Variants in SIPA1L1 observed in about 807,000 individuals in gnomAD.
SIPA1L1 encodes signal induced proliferation associated 1 like 1.
In SIPA1L1, 26 loss-of-function variants were observed where a neutral mutation model predicts 162.7. That is an observed-to-expected ratio of 0.16 (90% CI 0.12 to 0.22). The LOEUF is 0.22. Among genes scored for constraint, SIPA1L1 ranks in the 10% least tolerant of loss-of-function variants. SIPA1L1 has a pLI of 1.00. For missense variants in SIPA1L1, 1,874 were observed against 2,241.0 expected, an observed-to-expected ratio of 0.84 and a Z score of 3.31; for synonymous variants, 829 against 837.4, an observed-to-expected ratio of 0.99 and a Z score of 0.17.
At chr14:71,544,764 A>G (rs992852013) in intron 4 of SIPA1L1, among the ~76,000 whole-genome samples, 2 of 152,282 alleles carry the variant, frequency 1.3e-5, no homozygotes, top group South Asian at 2.1e-4. Context: ...TCAGTCGACT[A>G]TATACGTGTG....
At chr14:71,458,494 T>C (rs188760961) in intron 2 of SIPA1L1, among the ~76,000 whole-genome samples, 3 of 152,318 alleles carry the variant, frequency 2.0e-5, no homozygotes, top group African/African-American at 7.2e-5. Context: ...AGTAACAGGA[T>C]TCATCCCCAT....
At chr14:71,547,164 T>C (rs1288984997) in intron 4 of SIPA1L1, among the ~76,000 whole-genome samples, 2 of 152,120 alleles carry the variant, frequency 1.3e-5, no homozygotes, top group African/African-American at 2.4e-5. Context: ...TGGAATGTTA[T>C]ATGTGTTAGA....
intron 4 of SIPA1L1, among the ~76,000 whole-genome samples, chr14:71,560,825 T>C (rs536305925): frequency 3.3e-5 from 5 of 152,190 alleles, no homozygotes; most frequent in Non-Finnish European, 7.3e-5. Context: ...GCATTTTGAC[T>C]TCTTGATTCT....
At chr14:71,365,866 C>T (rs910732678) in intron 2 of SIPA1L1, among the ~76,000 whole-genome samples, 6 of 151,380 alleles carry the variant, frequency 4.0e-5, no homozygotes, top group African/African-American at 1.5e-4. Context: ...GCTGGGACTA[C>T]AGTTGTCTGC....
chr14:71,544,094 C>CATAT (rs1459110824), intron 4 of SIPA1L1, among the ~76,000 whole-genome samples: 10 of 142,664 alleles, frequency 7.0e-5, no homozygotes, highest in African/African-American at 1.6e-4. Context: ...TGTATATACA[C>CATAT]ACGCACATGT....
chr14:71,466,592 A>C (rs1471734501), intron 2 of SIPA1L1, among the ~76,000 whole-genome samples: 10 of 152,156 alleles, frequency 6.6e-5, no homozygotes, highest in Non-Finnish European at 1.3e-4. Context: ...AAAAAAAAAA[A>C]AAAACAGTAA....
intron 2 of SIPA1L1, among the ~76,000 whole-genome samples, chr14:71,413,454 G>A (rs1275182044): frequency 1.3e-5 from 2 of 152,138 alleles, no homozygotes; most frequent in Admixed American, 6.5e-5. Context: ...GTGTTGAGGC[G>A]GGGCATAGTG....
chr14:71,326,947 AGCGATCCTCCC>A (rs1480862733), intron 2 of SIPA1L1, among the ~76,000 whole-genome samples: 2 of 151,284 alleles, frequency 1.3e-5, no homozygotes, highest in Non-Finnish European at 2.9e-5. Flanking sequence ...CCTGACTTCC[AGCGATCCTCCC>A]GCCTTGGCCT....
chr14:71,618,847 G>C lies in SIPA1L1; in HGVS notation c.1589G>C (p.Gly530Ala), dbSNP rs763048369. ...AAACCAGATGAAATGAAAGAAAATGGATCTCCGTACAACTACCGAATAATT... is the reference window on the plus strand; with the variant it reads ...AAACCAGATGAAATGAAAGAAAATGCATCTCCGTACAACTACCGAATAATT... ...REKPDEMKEN[G>A]SPYNYRIIFR... is the part of the protein sequence containing the mutation. Residue 530 changes from glycine to alanine, a missense_variant, in exon 6 of 24, where the codon GGA becomes GCA. By Grantham distance (60) the Gly-to-Ala change is moderately conservative. Transcript: ENST00000381232. 6.2e-7 allele frequency: 1 copy of C among 1,613,950 alleles called. No homozygotes were observed. The highest frequency in any genetic ancestry group is 8.5e-7 in the Non-Finnish European group (1 of 1,179,884).
chr14:71,537,707 T>C (rs945519982), intron 4 of SIPA1L1, among the ~76,000 whole-genome samples: 2 of 152,160 alleles, frequency 1.3e-5, no homozygotes, highest in Admixed American at 1.3e-4. Flanking sequence ...TCTTTTTTTT[T>C]TTCTCCCTTG....
At chr14:71,681,683 G>A (rs2045821344) in intron 12 of SIPA1L1, among the ~76,000 whole-genome samples, 1 of 152,134 alleles carries the variant, frequency 6.6e-6, no homozygotes, top group Non-Finnish European at 1.5e-5. Context: ...AGAGTCACAT[G>A]GCTTATAGGG....
At chr14:71,726,247 C>G (rs547687165) in intron 19 of SIPA1L1, among the ~76,000 whole-genome samples, 1 of 152,334 alleles carries the variant, frequency 6.6e-6, no homozygotes, top group South Asian at 2.1e-4. Context: ...CAGCACTTAA[C>G]AGTTCTGACT....
At chr14:71,331,415 G>A (rs2034527834) in intron 2 of SIPA1L1, among the ~76,000 whole-genome samples, 2 of 152,192 alleles carry the variant, frequency 1.3e-5, no homozygotes, top group South Asian at 2.1e-4. Context: ...TTGAAGGATC[G>A]AGACACACTT....
intron 6 of SIPA1L1, among the ~76,000 whole-genome samples, chr14:71,620,453 G>A (rs2039315064): frequency 1.3e-5 from 2 of 152,018 alleles, no homozygotes; most frequent in African/African-American, 4.8e-5. Context: ...CCCTTCCCAA[G>A]GCCACTCTGA....
chr14:71,628,371 T>C (rs765382987), intron 7 of SIPA1L1, among the ~76,000 whole-genome samples: 1 of 152,210 alleles, frequency 6.6e-6, no homozygotes, highest in Non-Finnish European at 1.5e-5. Context: ...GTGCTGAGCA[T>C]GTGATAAAAC....
At chr14:71,522,447 GA>G (rs1214990421) in intron 3 of SIPA1L1, among the ~76,000 whole-genome samples, 2 of 152,088 alleles carry the variant, frequency 1.3e-5, no homozygotes, top group Non-Finnish European at 2.9e-5. Context: ...AAGTGTTTTG[GA>G]TTTCAGGTTT....
intron 7 of SIPA1L1, among the ~76,000 whole-genome samples, chr14:71,639,556 T>G (rs554428486): frequency 6.6e-6 from 1 of 152,278 alleles, no homozygotes; most frequent in South Asian, 2.1e-4. Context: ...GGTTTTTTTG[T>G]GGTTATAGAC....
In SIPA1L1 at chr14:71,724,712, G is replaced by C. The variant is rs138931294; in HGVS notation, c.4491G>C (p.Leu1497=). ...SDGNEIAHTR[L]RASTRDLRAS... is the part of the protein sequence containing the mutation. Reference sequence around the variant, plus strand: ...GCAATGAAATAGCCCACACCAGGCTGCGTGCCTCAACCAGAGACCTCCGGG... The same window carrying C: ...GCAATGAAATAGCCCACACCAGGCTCCGTGCCTCAACCAGAGACCTCCGGG... Residue 1497 remains leucine, a synonymous_variant, in exon 19 of 24, where the codon CTG becomes CTC. Transcript: ENST00000381232. 1.2e-5 allele frequency: 19 copies of C among 1,614,056 alleles called. No individual in the cohort carries two copies. The highest frequency in any genetic ancestry group is 1.6e-5 in the Non-Finnish European group (19 of 1,180,032).
intron 2 of SIPA1L1, among the ~76,000 whole-genome samples, chr14:71,408,941 C>T (rs1213306474): frequency 2.0e-5 from 3 of 152,046 alleles, no homozygotes; most frequent in Non-Finnish European, 4.4e-5. Context: ...TCGGGATCCT[C>T]CTAAAGACCT....
Sources: allele counts gnomAD v4.1 joint callset (sites outside exome capture counted in the v4.1 genomes callset), GRCh38; gene constraint gnomAD v4.1.1; transcripts MANE v1.5; gene names NCBI Gene and HGNC (gene_info 2026-07-23, HGNC 2026-07-21).